ZNF333: variants seen among roughly 807,000 people sequenced by gnomAD.
ZNF333 encodes zinc finger protein 333.
Under a neutral mutation model 76.1 loss-of-function variants are expected in ZNF333, and 61 were observed. The observed-to-expected ratio is 0.80, with a 90% CI of 0.65 to 0.99. The LOEUF (loss-of-function observed/expected upper bound fraction) is 0.99, where lower values mean the gene tolerates loss of function less well. Ranked by LOEUF, ZNF333 falls within the 50% of genes least tolerant of loss-of-function variation. ZNF333 has a pLI of 0.00. For synonymous variants in ZNF333, 284 were observed against 305.0 expected, an observed-to-expected ratio of 0.93 and a Z score of 0.72; for missense variants, 717 against 822.4, an observed-to-expected ratio of 0.87 and a Z score of 1.57.
intron 11 of ZNF333, among the ~76,000 whole-genome samples, chr19:14,728,221 ATTTTT>A (rs879373284): frequency 6.6e-6 from 1 of 151,702 alleles, no homozygotes; most frequent in African/African-American, 2.4e-5. Flanking sequence ...TCAAAAAAAA[ATTTTT>A]TTTTCAGAAT....
rs2042495154 is a variant in ZNF333 at position 14,718,266 on chromosome 19, T to C, written c.939T>C (p.Asn313=). 3 of 1,613,328 alleles carry C rather than the reference T, an allele frequency of 1.9e-6. No individual in the cohort carries two copies. The African/African-American group carries it at 4.0e-5, about 22-fold the overall frequency. The change falls in exon 12 of 12, where the codon AAT becomes AAC. Residue 313 remains asparagine, a synonymous_variant. Coordinates refer to ENST00000292530, the MANE Select transcript of ZNF333 (RefSeq NM_032433.4). ...PQPGEKLYKY[N]ELEKPFNSIE... Reference sequence around the variant, plus strand: ...CTGGAGAAAAACTCTATAAATATAATGAACTTGAGAAACCTTTTAACAGCA... The same window carrying C: ...CTGGAGAAAAACTCTATAAATATAACGAACTTGAGAAACCTTTTAACAGCA...
chr19:14,727,024 C>CTTTTTTTTTTTT (rs33936016), intron 11 of ZNF333, among the ~76,000 whole-genome samples: 1 of 70,098 alleles, frequency 1.4e-5, no homozygotes. Flanking sequence ...AGAAAAGAGG[C>CTTTTTTTTTTTT]TTTTTTTTTT....
Position 14,721,466 on chromosome 19 carries a change from C to T in ZNF333, c.*2141C>T, listed in dbSNP as rs576685858. The T allele has an allele frequency of 2.0e-5, 3 of 152,176 alleles. No individual in the cohort carries two copies. Among genetic ancestry groups the T allele is most frequent in the Non-Finnish European group, 4.4e-5 (3 of 67,998 alleles). The allele number at this position is 152,176 out of a possible 1,614,324, so 9.4% of individuals were successfully genotyped here. ...GCCCCACCTCATCCTCAAAGGTTATCACTATTCTGATGTCTATCACCATAG... is the reference window on the plus strand; with the variant it reads ...GCCCCACCTCATCCTCAAAGGTTATTACTATTCTGATGTCTATCACCATAG... On this transcript the variant is annotated 3_prime_UTR_variant, in exon 12 of 12. Transcript: ENST00000292530.
exon 12 of ZNF333, chr19:14,731,208 AGTACTCT>A: frequency 2.0e-6 from 3 of 1,533,224 alleles, no homozygotes; most frequent in Non-Finnish European, 2.6e-6. Flanking sequence ...TTCCACATCC[AGTACTCT>A]CTTGCATGTT....
rs1298277841 is a variant in ZNF333 at position 14,699,276 on chromosome 19, C to T, written c.301C>T (p.Gln101Ter). The T allele has an allele frequency of 1.2e-6, 2 of 1,613,578 alleles. No individual in the cohort carries two copies. The highest frequency in any genetic ancestry group is 3.3e-5 in the Admixed American group (2 of 59,984). ...GGAAGAAGCATCCTCCAGGGACATG[C>T]AAATGGTAAGATGCACGGGGTTTTC... ...LLEEASSRDMQMGPGLFLRMQ... is the reference protein window; with the variant it reads ...LLEEASSRDM The change falls in exon 5 of 12, where the codon CAA (glutamine) becomes TAA (stop). Residue 101 changes from glutamine (Q) to a stop codon, truncating the protein, a stop_gained. Transcript: ENST00000292530. LOFTEE classifies it high-confidence loss of function.
rs201562479 is a variant in ZNF333, at chr19:14,690,093, T to TGCGCGGCGCGGCGCGGCGCGGCGCG, written c.-83_-82insCGCGGCGCGGCGCGGCGCGGCGCGG. 1 of 147,744 alleles carries TGCGCGGCGCGGCGCGGCGCGGCGCG rather than the reference T, an allele frequency of 6.8e-6. No individual in the cohort carries two copies. The highest frequency in any genetic ancestry group is 1.5e-5 in the Non-Finnish European group (1 of 67,300). 9.2% of individuals were successfully genotyped at this position (147,744 alleles called of 1,614,324 possible). A position where few individuals can be genotyped will look rare whatever the true frequency, so the allele number is the denominator to read the frequency against. The stretch of plus-strand genomic sequence containing the variant: ...GCGGCCGACGGCGGCTGAGCTGTGC[T>TGCGCGGCGCGGCGCGGCGCGGCGCG]GCGCGGCGCGGCGCGGTGCGGCACG... On this transcript the variant is annotated 5_prime_UTR_variant, in exon 1 of 12. Transcript: ENST00000292530.
At chr19:14,695,727 C>T in intron 4 of ZNF333, 66 bp downstream of exon 4, 2 of 1,443,828 alleles carry the variant, frequency 1.4e-6, no homozygotes, top group Admixed American at 1.8e-5. Flanking sequence ...TGGGAAGTGT[C>T]AAGAGCATTT....
chr19:14,719,181 T>G lies in ZNF333; in HGVS notation c.1854T>G (p.Tyr618Ter). 1 of 1,614,188 alleles carries G rather than the reference T, an allele frequency of 6.2e-7. No homozygotes were observed. Among genetic ancestry groups the G allele is most frequent in the Non-Finnish European group, 8.5e-7 (1 of 1,180,034 alleles). The change falls in exon 12 of 12, where the codon TAT (tyrosine) becomes TAG (stop). Residue 618 changes from tyrosine to a stop codon, truncating the protein, a stop_gained. Coordinates refer to ENST00000292530, the MANE Select transcript of ZNF333 (RefSeq NM_032433.4). LOFTEE classifies it high-confidence loss of function. ...HVRTHSAGRP[Y>*]QCNQCEKAFR... ...GAACACACAGTGCCGGGAGACCCTA[T>G]CAATGTAATCAGTGTGAGAAAGCCT...
At chr19:14,723,012 T>C (rs2042608881), downstream of ZNF333, among the ~76,000 whole-genome samples, 1 of 152,358 alleles carries the variant, frequency 6.6e-6, no homozygotes, top group Admixed American at 6.5e-5. Context: ...GGTCTTGATC[T>C]CCTGACCTTG....
rs2042547529 is a variant in ZNF333 at position 14,719,721 on chromosome 19, A to C, written c.*396A>C. Reference sequence around the variant, plus strand: ...TGTTGTTGGTTTCTAATTTAATTACATGGTGAGAAGAGTATGTGGCCTCTT... The same window carrying C: ...TGTTGTTGGTTTCTAATTTAATTACCTGGTGAGAAGAGTATGTGGCCTCTT... On this transcript the variant is annotated 3_prime_UTR_variant, in exon 12 of 12. Transcript: ENST00000292530. 12 of 1,005,260 alleles carry C rather than the reference A, an allele frequency of 1.2e-5. No individual in the cohort carries two copies. Among genetic ancestry groups the C allele is most frequent in the Non-Finnish European group, 1.4e-5 (12 of 842,622 alleles). The allele number at this position is 1,005,260 out of a possible 1,614,324, so 62.3% of individuals were successfully genotyped here. A position where few individuals can be genotyped will look rare whatever the true frequency, so the allele number is the denominator to read the frequency against.
intron 5 of ZNF333, among the ~76,000 whole-genome samples, chr19:14,702,304 C>T (rs1474670851): frequency 6.6e-6 from 1 of 152,166 alleles, no homozygotes; most frequent in Non-Finnish European, 1.5e-5. Flanking sequence ...CACTGGAGCC[C>T]AGGATTTTGA....
At chr19:14,731,822 CATT>C (rs2042673844) in exon 12 of ZNF333, 1 of 152,182 alleles carries the variant, frequency 6.6e-6, no homozygotes, top group Non-Finnish European at 1.5e-5. Context: ...AGCAAATTAA[CATT>C]ATTTCCATCA....
intron 10 of ZNF333, 43 bp from the exon 11 acceptor site, chr19:14,717,614 C>G: frequency 6.3e-7 from 1 of 1,574,982 alleles, no homozygotes; most frequent in South Asian, 1.1e-5. Context: ...CCCACAGTTT[C>G]TTTCTCTGTG....
rs773287199 is a variant in ZNF333 at position 14,717,666 on chromosome 19, G to A, written c.833G>A (p.Cys278Tyr). Residue 278 changes from cysteine (C) to tyrosine (Y), a missense_variant, in exon 11 of 12, where the codon TGT becomes TAT. Coordinates refer to ENST00000292530, the MANE Select transcript of ZNF333 (RefSeq NM_032433.4). Reference sequence around the variant, plus strand: ...CCCTAATTCATTTCAGAACCTCAGTGTCAACCCCAAGAGGCAATTCCTAGC... The same window carrying A: ...CCCTAATTCATTTCAGAACCTCAGTATCAACCCCAAGAGGCAATTCCTAGC... ...VLSDTCAEPQ[C>Y]QPQEAIPSQD... is the part of the protein sequence containing the mutation. 7 of 1,613,862 alleles carry A rather than the reference G, an allele frequency of 4.3e-6. No homozygotes were observed. The highest frequency in any genetic ancestry group is 2.2e-5 in the South Asian group (2 of 91,080).
rs1194080970 is a variant in ZNF333 at position 14,719,938 on chromosome 19, C to G, written c.*613C>G. The G allele has an allele frequency of 1.0e-6, 1 of 981,390 alleles. No homozygotes were observed. The highest frequency in any genetic ancestry group is 1.2e-6 in the Non-Finnish European group (1 of 826,406). The allele number at this position is 981,390 out of a possible 1,614,324, so 60.8% of individuals were successfully genotyped here. A position where few individuals can be genotyped will look rare whatever the true frequency, so the allele number is the denominator to read the frequency against. ...CGGTGGCTCATGCCTCTAATCCCAG[C>G]ACTTTGGGAGGCTGAGGCTGGGGGA... On this transcript the variant is annotated 3_prime_UTR_variant, in exon 12 of 12. Coordinates refer to ENST00000292530, the MANE Select transcript of ZNF333 (RefSeq NM_032433.4).
chr19:14,701,814 G>A (rs1379550827), intron 5 of ZNF333: 1 of 985,358 alleles, frequency 1.0e-6, no homozygotes, highest in African/African-American at 1.7e-5. Context: ...ATTCTGAGTG[G>A]GCAGAGGAGG....
At chr19:14,730,453 T>G (rs1414774872) in intron 11 of ZNF333, among the ~76,000 whole-genome samples, 2 of 147,380 alleles carry the variant, frequency 1.4e-5, no homozygotes, top group Non-Finnish European at 3.0e-5. Context: ...CCTTCCTCCC[T>G]TCCTCTCTTT....
Position 14,695,595 on chromosome 19 carries a change from T to C in ZNF333, c.157T>C (p.Ser53Pro). The change falls in exon 4 of 12, where the codon TCC becomes CCC. Residue 53 changes from serine (S) to proline (P), a missense_variant. Ser to Pro is a moderately conservative substitution (Grantham distance 74). Coordinates refer to ENST00000292530, the MANE Select transcript of ZNF333 (RefSeq NM_032433.4). ...GTPPCKPSCV[S>P]QLGQRAEPKA... The stretch of plus-strand genomic sequence containing the variant: ...TCCACCATGCAAACCCAGTTGTGTC[T>C]CCCAGCTGGGGCAAAGAGCAGAGCC... 1 of 1,614,118 alleles carries C rather than the reference T, an allele frequency of 6.2e-7. No individual in the cohort carries two copies. Among genetic ancestry groups the C allele is most frequent in the Non-Finnish European group, 8.5e-7 (1 of 1,180,028 alleles).
intron 7 of ZNF333, chr19:14,715,153 G>C (rs150893875): frequency 2.0e-6 from 1 of 502,092 alleles, no homozygotes; most frequent in Non-Finnish European, 3.7e-6. Context: ...ATATGTGTGC[G>C]TGTTTGTGTG....
Sources: gnomAD v4.1 joint callset for allele counts (sites outside exome capture counted in the v4.1 genomes callset) on GRCh38, gnomAD v4.1.1 for gene constraint, MANE v1.5 for transcripts, NCBI Gene and HGNC (gene_info 2026-07-23, HGNC 2026-07-21) for gene names.